Variants in TBC1D9B observed in about 807,000 individuals in gnomAD.
TBC1D9B encodes the protein TBC1 domain family member 9B, also known as TBC1 domain family, member 9B (with GRAM domain).
Under a neutral mutation model 121.1 loss-of-function variants are expected in TBC1D9B, and 87 were observed. That is an observed-to-expected ratio of 0.72 (90% confidence interval 0.60 to 0.86). TBC1D9B has a LOEUF of 0.86. Among genes scored for constraint, TBC1D9B ranks in the 40% least tolerant of loss-of-function variants. The probability of loss-of-function intolerance (pLI) is 0.00; values close to 1 mark genes in which losing one functional copy is unlikely to be tolerated. For synonymous variants in TBC1D9B, 668 were observed against 670.1 expected (o/e 1.00, Z 0.05); for missense variants, 1,540 against 1,628.6 (o/e 0.95, Z 0.94).
Position 179,894,446 on chromosome 5 carries a change from C to T in TBC1D9B, c.517G>A (p.Gly173Ser). ...TGGTTGACCGTCAGGTACAGCCAGCCCTGCCGGGGCACGCGGCCCTTCCAG... is the reference window on the plus strand; with the variant it reads ...TGGTTGACCGTCAGGTACAGCCAGCTCTGCCGGGGCACGCGGCCCTTCCAG... ...SYWKGRVPRQ[G>S]WLYLTVNHLC... The change falls in exon 4 of 21, where the codon GGC becomes AGC. Residue 173 changes from glycine (G) to serine (S), a missense_variant. By Grantham distance (56) the Gly-to-Ser change is moderately conservative. Coordinates refer to ENST00000355235, the MANE Select transcript of TBC1D9B (RefSeq NM_015043.4). 6.2e-7 allele frequency: 1 copy of T among 1,614,108 alleles called. No homozygotes were observed. Among genetic ancestry groups the T allele is most frequent in the Non-Finnish European group, 8.5e-7 (1 of 1,179,986 alleles).
At chr5:179,896,532 T>C (rs1312597663) in intron 3 of TBC1D9B, among the ~76,000 whole-genome samples, 1 of 149,072 alleles carries the variant, frequency 6.7e-6, no homozygotes, top group African/African-American at 2.5e-5. Context: ...GTCTAAATTC[T>C]TTTTTTTTTA....
intron 10 of TBC1D9B, 34 bp from the exon 11 acceptor site, chr5:179,876,071 C>T (rs1039972886): frequency 1.3e-6 from 2 of 1,578,744 alleles, no homozygotes; most frequent in Non-Finnish European, 1.7e-6. Flanking sequence ...GGAAGGCTTG[C>T]ACTGCTGGCC....
In TBC1D9B at chr5:179,863,693, G is replaced by A. The variant is rs558309456; in HGVS notation, c.3457C>T (p.Leu1153Phe). Reference protein sequence around the residue: ...VSTGSLQCEDLADDTVLVGGE... With the variant: ...VSTGSLQCEDFADDTVLVGGE... The stretch of plus-strand genomic sequence containing the variant: ...CCCACCAGCACCGTGTCGTCTGCAA[G>A]GTCTTCACATTGCAGGGAGCCCGTG... Residue 1153 changes from leucine (L) to phenylalanine (F), a missense_variant, in exon 21 of 21, where the codon CTT becomes TTT. Physicochemically the swap from Leu to Phe is conservative, Grantham distance 22. Coordinates refer to ENST00000355235, the MANE Select transcript of TBC1D9B (RefSeq NM_015043.4). This position sits in a 1 kb window ranked among gnomAD's most constrained non-coding sequence, Gnocchi z 4.5. The A allele has an allele frequency of 1.7e-5, 27 of 1,613,580 alleles. No individual in the cohort carries two copies. The highest frequency in any genetic ancestry group is 2.2e-5 in the Non-Finnish European group (26 of 1,180,034).
At chr5:179,886,914 G>A (rs1250096125) in intron 7 of TBC1D9B, among the ~76,000 whole-genome samples, 1 of 152,264 alleles carries the variant, frequency 6.6e-6, no homozygotes, top group African/African-American at 2.4e-5. Flanking sequence ...TAGACCAGAT[G>A]AGCCCCTCTG....
chr5:179,874,866 T>G lies in TBC1D9B; in HGVS notation c.2186+36A>C, dbSNP rs1446803550. The G allele has an allele frequency of 6.2e-7, 1 of 1,603,708 alleles. No individual in the cohort carries two copies. Among genetic ancestry groups the G allele is most frequent in the African/African-American group, 1.3e-5 (1 of 74,958 alleles). Reference sequence around the variant, plus strand: ...CCGGGGCTGGTGAGGGGTTCTGCTGTGAGCCCCCAGCAGGAGAAGGAACCC... The same window carrying G: ...CCGGGGCTGGTGAGGGGTTCTGCTGGGAGCCCCCAGCAGGAGAAGGAACCC... On this transcript the variant is annotated intron_variant, in intron 12 of 20. Coordinates refer to ENST00000355235, the MANE Select transcript of TBC1D9B (RefSeq NM_015043.4). The surrounding 1 kb of genome is among the most constrained non-coding windows in gnomAD (Gnocchi z 4.3).
chr5:179,862,330 C>T lies in TBC1D9B; in HGVS notation c.*1118G>A. The T allele has an allele frequency of 3.2e-6, 1 of 317,066 alleles. No homozygotes were observed. Among genetic ancestry groups the T allele is most frequent in the South Asian group, 2.4e-5 (1 of 41,222 alleles). The allele number at this position is 317,066 out of a possible 1,614,324, so 19.6% of individuals were successfully genotyped here. On this transcript the variant is annotated 3_prime_UTR_variant, in exon 21 of 21. Coordinates refer to ENST00000355235, the MANE Select transcript of TBC1D9B (RefSeq NM_015043.4). Reference sequence around the variant, plus strand: ...GTGGGGGCTAACACTGGACACTGGTCAGTTTCAGCTCCTCATGCAAAGTGA... The same window carrying T: ...GTGGGGGCTAACACTGGACACTGGTTAGTTTCAGCTCCTCATGCAAAGTGA...
Position 179,902,996 on chromosome 5 carries a change from G to A in TBC1D9B, c.229+1706C>T, listed in dbSNP as rs1322143576. 1.3e-5 allele frequency among the ~76,000 whole-genome samples: 2 copies of A among 152,168 alleles called. No homozygotes were observed. Among genetic ancestry groups the A allele is most frequent in the Non-Finnish European group, 2.9e-5 (2 of 68,034 alleles). On this transcript the variant is annotated intron_variant, in intron 2 of 20. Transcript: ENST00000355235. The surrounding 1 kb of genome is among the most constrained non-coding windows in gnomAD (Gnocchi z 4.9). ...CCCACCTGGGAGTGGGGCTATTCCC[G>A]GGGTGCCGCCCGCCCTGTGCTTTTA...
Position 179,863,814 on chromosome 5 carries a change from C to G in TBC1D9B, c.3336G>C (p.Glu1112Asp), listed in dbSNP as rs765399441. The change falls in exon 21 of 21, where the codon GAG (glutamate) becomes GAC (aspartate). Residue 1112 changes from glutamate (E) to aspartate (D), a missense_variant. Physicochemically the swap from Glu to Asp is conservative, Grantham distance 45. Coordinates refer to ENST00000355235, the MANE Select transcript of TBC1D9B (RefSeq NM_015043.4). The surrounding 1 kb of genome is among the most constrained non-coding windows in gnomAD (Gnocchi z 4.5). ...KAPQESQVVV[E>D]GGSGEGQGSP... The stretch of plus-strand genomic sequence containing the variant: ...AGCCCTGTCCCTCGCCGCTGCCCCC[C>G]TCCACCACCACCTGGCTCTCCTGTG... 41 of 1,613,616 alleles carry G rather than the reference C, an allele frequency of 2.5e-5. No homozygotes were observed. The highest frequency in any genetic ancestry group is 3.0e-5 in the Non-Finnish European group (35 of 1,179,982).
rs965464448 is a variant in TBC1D9B at position 179,875,512 on chromosome 5, C to G, written c.1901-325G>C. Among the ~76,000 whole-genome samples, 2 of 152,204 alleles carry G rather than the reference C, an allele frequency of 1.3e-5. No individual in the cohort carries two copies. The highest frequency in any genetic ancestry group is 2.9e-5 in the Non-Finnish European group (2 of 68,030). ...CTGATGATTGTGAATAGACGCAGCT[C>G]TGAAGGACCCCAAGAGCGGTAACTC... On this transcript the variant is annotated intron_variant, in intron 11 of 20. Transcript: ENST00000355235. This position sits in a 1 kb window ranked among gnomAD's most constrained non-coding sequence, Gnocchi z 4.5.
At position 179,874,888 on chromosome 5, in the gene TBC1D9B, A is replaced by T. The variant is rs747945517; in HGVS notation, c.2186+14T>A. On this transcript the variant is annotated intron_variant, in intron 12 of 20. Coordinates refer to ENST00000355235, the MANE Select transcript of TBC1D9B (RefSeq NM_015043.4). This position sits in a 1 kb window ranked among gnomAD's most constrained non-coding sequence, Gnocchi z 4.3. The stretch of plus-strand genomic sequence containing the variant: ...CTGTGAGCCCCCAGCAGGAGAAGGA[A>T]CCCGGCATGTCACCTGCCCAGCATG... 6.2e-6 allele frequency: 10 copies of T among 1,610,754 alleles called. No individual in the cohort carries two copies. In the South Asian group the frequency reaches 1.1e-4, roughly 18 times the overall value.
intron 7 of TBC1D9B, chr5:179,884,665 A>G (rs1760627812): frequency 6.6e-6 from 1 of 152,262 alleles, no homozygotes; most frequent in Non-Finnish European, 1.5e-5. Context: ...ATACAATGGC[A>G]TATGATTCAG....
intron 2 of TBC1D9B, among the ~76,000 whole-genome samples, chr5:179,900,753 CTGCTCGCA>C (rs762127556): frequency 6.6e-6 from 1 of 152,250 alleles, no homozygotes; most frequent in Non-Finnish European, 1.5e-5. Context: ...CTGAAAGAAG[CTGCTCGCA>C]TGCACGGATC....
intron 10 of TBC1D9B, among the ~76,000 whole-genome samples, chr5:179,876,816 A>G (rs1760371677): frequency 6.6e-6 from 1 of 152,126 alleles, no homozygotes; most frequent in Non-Finnish European, 1.5e-5. Flanking sequence ...ACACTTTGTA[A>G]TCCTAGCACT....
In TBC1D9B at chr5:179,870,375, C is replaced by T. The variant is rs1449885614; in HGVS notation, c.2605G>A (p.Ala869Thr). The T allele has an allele frequency of 6.2e-7, 1 of 1,613,724 alleles. No individual in the cohort carries two copies. Among genetic ancestry groups the T allele is most frequent in the Non-Finnish European group, 8.5e-7 (1 of 1,180,028 alleles). Residue 869 changes from alanine (A) to threonine (T), a missense_variant, in exon 16 of 21, where the codon GCC becomes ACC. Ala to Thr is a moderately conservative substitution (Grantham distance 58). Coordinates refer to ENST00000355235, the MANE Select transcript of TBC1D9B (RefSeq NM_015043.4). Reference protein sequence around the residue: ...IDASQFRELFASLTPWACGSH... With the variant: ...IDASQFRELFTSLTPWACGSH... ...CCACAGGCCCAGGGTGTCAGGCTGG[C>T]AAAGAGTTCCCGGAACTGGCTGGCA...
chr5:179,879,626 AC>A lies in TBC1D9B; in HGVS notation c.1416+1del. 2.5e-6 allele frequency: 4 copies of A among 1,613,760 alleles called. No individual in the cohort carries two copies. Among genetic ancestry groups the A allele is most frequent in the Non-Finnish European group, 3.4e-6 (4 of 1,179,862 alleles). On this transcript the variant is annotated splice_donor_variant, in intron 8 of 20. Coordinates refer to ENST00000355235, the MANE Select transcript of TBC1D9B (RefSeq NM_015043.4). LOFTEE classifies it high-confidence loss of function. The stretch of plus-strand genomic sequence containing the variant: ...GCTGGAGTGCCGGCGCTCAGGGCTC[AC>A]CCCCTTGGCTCCAAGGTCCTCCATG...
intron 3 of TBC1D9B, among the ~76,000 whole-genome samples, chr5:179,895,143 G>GA (rs555204410): frequency 7.1e-4 from 108 of 152,318 alleles, no homozygotes; most frequent in African/African-American, 2.5e-3. Flanking sequence ...TTACAGGTGT[G>GA]AACCACTGTG....
intron 2 of TBC1D9B, 58 bp from the exon 3 acceptor site, chr5:179,899,365 A>G: frequency 6.9e-7 from 1 of 1,446,258 alleles, no homozygotes; most frequent in Non-Finnish European, 9.6e-7. Context: ...CCTTAAACGC[A>G]CATTCAAAGA....
rs550418299 is a variant in TBC1D9B at position 179,904,220 on chromosome 5, CTTTTTTTT to C, written c.229+474_229+481del. On this transcript the variant is annotated intron_variant, in intron 2 of 20. Coordinates refer to ENST00000355235, the MANE Select transcript of TBC1D9B (RefSeq NM_015043.4). This position sits in a 1 kb window ranked among gnomAD's most constrained non-coding sequence, Gnocchi z 4.2. The stretch of plus-strand genomic sequence containing the variant: ...CTGTCCCCATGACCAGTGGAGCTGC[CTTTTTTTT>C]TTTTTTTTTTTTTTGAGACGGAATC... Among the ~76,000 whole-genome samples the C allele has an allele frequency of 4.9e-5, 4 of 80,896 alleles. No homozygotes were observed. The highest frequency in any genetic ancestry group is 2.0e-4 in the African/African-American group (4 of 19,970). The allele number at this position is 80,896 out of a possible 152,430, so 53.1% of individuals were successfully genotyped here.
chr5:179,901,403 T>C (rs540851548), intron 2 of TBC1D9B, among the ~76,000 whole-genome samples: 1 of 152,346 alleles, frequency 6.6e-6, no homozygotes, highest in Admixed American at 6.5e-5. Context: ...TACTGTATTA[T>C]TTTCTGTTAC....
Sources: allele counts gnomAD v4.1 joint callset (sites outside exome capture counted in the v4.1 genomes callset), GRCh38; gene constraint gnomAD v4.1.1; non-coding constraint Gnocchi (gnomAD v3.1); transcripts MANE v1.5; gene names NCBI Gene and HGNC (gene_info 2026-07-23, HGNC 2026-07-21).